DNTT: variants seen among roughly 807,000 people sequenced by gnomAD.
The protein encoded by DNTT is DNA nucleotidylexotransferase, also known as nucleosidetriphosphate:DNA deoxynucleotidylexotransferase.
A neutral mutation model predicts 60.9 loss-of-function variants in DNTT; 47 were observed. The observed-to-expected ratio is 0.77, with a 90% CI of 0.61 to 0.98. The LOEUF is 0.98. DNTT is among the 50% of genes least tolerant of loss of function. The pLI, the probability that DNTT is intolerant of heterozygous loss-of-function variation, is 0.00. For missense variants in DNTT, 665 were observed against 627.5 expected, an observed-to-expected ratio of 1.06 and a Z score of -0.64; for synonymous variants, 224 against 221.2, an observed-to-expected ratio of 1.01 and a Z score of -0.11.
intron 9 of DNTT, 85 bp from the exon 10 acceptor site, chr10:96,335,806 C>A (rs1175868074): frequency 4.2e-6 from 6 of 1,436,990 alleles, no homozygotes; most frequent in Non-Finnish European, 5.9e-6. Context: ...AGTGGAGTTA[C>A]ATATTTCACT....
At chr10:96,307,541 A>G (rs1371889265) in intron 1 of DNTT, among the ~76,000 whole-genome samples, 1 of 149,476 alleles carries the variant, frequency 6.7e-6, no homozygotes, top group East Asian at 2.0e-4. Flanking sequence ...TTTTTAATAG[A>G]GTTGGGGTTT....
In DNTT at chr10:96,328,766, G is replaced by T. The variant is rs1844969637; in HGVS notation, c.1049G>T (p.Ser350Ile). The T allele has an allele frequency of 1.2e-6, 2 of 1,613,758 alleles. No individual in the cohort carries two copies. Among genetic ancestry groups the T allele is most frequent in the Admixed American group, 1.7e-5 (1 of 59,976 alleles). ...CATGATGTAGATTTTTTAATTACCA[G>T]CCCAGGATCAACAGAGGATGAAGAG... ...MGHDVDFLIT[S>I]PGSTEDEEQL... The change falls in exon 8 of 11, where the codon AGC (serine) becomes ATC (isoleucine). Residue 350 changes from serine to isoleucine, a missense_variant. Transcript: ENST00000371174.
At chr10:96,309,909 C>G (rs1328433887) in intron 1 of DNTT, among the ~76,000 whole-genome samples, 2 of 152,242 alleles carry the variant, frequency 1.3e-5, no homozygotes, top group Non-Finnish European at 2.9e-5. Flanking sequence ...AATCCTTTCT[C>G]TGTCCCTTTG....
At chr10:96,315,414 T>G (rs1345208351) in intron 1 of DNTT, among the ~76,000 whole-genome samples, 1 of 152,216 alleles carries the variant, frequency 6.6e-6, no homozygotes, top group East Asian at 1.9e-4. Context: ...TTTTTGTGTG[T>G]GCTTAAGATT....
intron 2 of DNTT, among the ~76,000 whole-genome samples, chr10:96,318,775 C>T (rs1844824080): frequency 6.6e-6 from 1 of 152,196 alleles, no homozygotes; most frequent in African/African-American, 2.4e-5. Flanking sequence ...AATGTGTTGA[C>T]TATAGCAGGC....
chr10:96,314,467 T>C (rs997501962), intron 1 of DNTT, among the ~76,000 whole-genome samples: 5 of 133,408 alleles, frequency 3.7e-5, no homozygotes, highest in Non-Finnish European at 7.8e-5. Flanking sequence ...GGCTGGAGTG[T>C]AGTGGCACAA....
intron 1 of DNTT, among the ~76,000 whole-genome samples, chr10:96,316,182 CA>C (rs1168360393): frequency 6.6e-6 from 1 of 152,192 alleles, no homozygotes; most frequent in Non-Finnish European, 1.5e-5. Context: ...TGATTTCTAC[CA>C]AAAGTGCCAT....
At chr10:96,318,574 G>A in intron 2 of DNTT, 48 bp downstream of exon 2, 1 of 1,590,428 alleles carries the variant, frequency 6.3e-7, no homozygotes, top group Non-Finnish European at 8.6e-7. Flanking sequence ...TGATGGTTAA[G>A]AACATAGGCT....
At chr10:96,317,940 T>C (rs943501819) in intron 1 of DNTT, among the ~76,000 whole-genome samples, 8 of 152,240 alleles carry the variant, frequency 5.3e-5, no homozygotes, top group African/African-American at 1.9e-4. Flanking sequence ...ATATAAAACG[T>C]ATTTCTAACT....
chr10:96,335,532 C>A (rs1184761737), intron 9 of DNTT, among the ~76,000 whole-genome samples: 3 of 152,184 alleles, frequency 2.0e-5, no homozygotes, highest in African/African-American at 2.4e-5. Flanking sequence ...CATGTAACAC[C>A]CACCAAACTA....
chr10:96,314,660 C>G (rs570140638), intron 1 of DNTT, among the ~76,000 whole-genome samples: 2 of 151,912 alleles, frequency 1.3e-5, no homozygotes, highest in East Asian at 1.9e-4. Context: ...GATCTGCCCC[C>G]CTCAGCCTCC....
Position 96,327,488 on chromosome 10 carries a change from C to T in DNTT, c.895C>T (p.Leu299Phe). The T allele has an allele frequency of 6.2e-7, 1 of 1,614,096 alleles. No individual in the cohort carries two copies. ...QKAGFLYYED[L>F]VSCVTRAEAE... ...CTCAGGATTTCTGTATTATGAAGACCTTGTCAGCTGTGTGACCAGGGCAGA... is the reference window on the plus strand; with the variant it reads ...CTCAGGATTTCTGTATTATGAAGACTTTGTCAGCTGTGTGACCAGGGCAGA... Residue 299 changes from leucine to phenylalanine, a missense_variant, in exon 7 of 11, where the codon CTT becomes TTT. Coordinates refer to ENST00000371174, the MANE Select transcript of DNTT (RefSeq NM_004088.4).
At chr10:96,304,808 C>A in intron 1 of DNTT, 108 bp downstream of exon 1, 1 of 1,233,498 alleles carries the variant, frequency 8.1e-7, no homozygotes, top group Non-Finnish European at 1.1e-6. Context: ...AGGTGATCTT[C>A]CCACTGGGAG....
rs1564870098 is a variant in DNTT, at chr10:96,314,401, C to CTTTTTTTTTTTT, written c.204-3951_204-3950insTTTTTTTTTTTT. ...TTAACATTTCCAAGGCTATCTCTTC[C>CTTTTTTTTTTTT]CTTTTTTTTTTTTTTTTTTTTTTTT... On this transcript the variant is annotated intron_variant, in intron 1 of 10. Coordinates refer to ENST00000371174, the MANE Select transcript of DNTT (RefSeq NM_004088.4). Among the ~76,000 whole-genome samples the CTTTTTTTTTTTT allele has an allele frequency of 1.0e-4, 4 of 39,846 alleles. No homozygotes were observed. The East Asian group carries it at 1.3e-3, about 13-fold the overall frequency. 26.1% of individuals were successfully genotyped at this position (39,846 alleles called of 152,430 possible). A position where few individuals can be genotyped will look rare whatever the true frequency, so the allele number is the denominator to read the frequency against.
chr10:96,331,283 A>G (rs906549298), intron 8 of DNTT, among the ~76,000 whole-genome samples: 10 of 152,210 alleles, frequency 6.6e-5, no homozygotes, highest in African/African-American at 2.4e-4. Context: ...GGTCATCAGT[A>G]TAATATGAAG....
intron 1 of DNTT, among the ~76,000 whole-genome samples, chr10:96,311,016 T>G (rs2181322): frequency 0.096 from 14,687 of 152,226 alleles, 825 homozygotes; most frequent in South Asian, 0.16. Flanking sequence ...TTAATCCCAT[T>G]TAAGGTGGGC....
intron 1 of DNTT, among the ~76,000 whole-genome samples, chr10:96,316,569 A>C (rs894648501): frequency 6.6e-6 from 1 of 152,164 alleles, no homozygotes; most frequent in East Asian, 1.9e-4. Flanking sequence ...AGCCACATCT[A>C]CAATTACTTC....
At chr10:96,312,224 T>A (rs1844728304) in intron 1 of DNTT, among the ~76,000 whole-genome samples, 1 of 152,172 alleles carries the variant, frequency 6.6e-6, no homozygotes, top group African/African-American at 2.4e-5. Flanking sequence ...AGAAAAGATC[T>A]TTCTCTACAG....
chr10:96,327,441 C>T, intron 6 of DNTT, 27 bp from the exon 7 acceptor site: 11 of 1,613,966 alleles, frequency 6.8e-6, no homozygotes, highest in Non-Finnish European at 9.3e-6. Flanking sequence ...GTCACTCTCT[C>T]CATTGACCTG....
Sources: gnomAD v4.1 joint callset for allele counts (sites outside exome capture counted in the v4.1 genomes callset) on GRCh38, gnomAD v4.1.1 for gene constraint, MANE v1.5 for transcripts, NCBI Gene and HGNC (gene_info 2026-07-23, HGNC 2026-07-21) for gene names.